The following TMEM248 variants were observed in gnomAD, a reference collection of about 807,000 sequenced individuals.
TMEM248 encodes the protein transmembrane protein 248, also known as UPF0458 protein C7orf42.
TMEM248 carries 9 observed loss-of-function variants against 30.3 expected under a neutral mutation model. The ratio of observed to expected loss-of-function variants is 0.30; its 90% CI spans 0.18 to 0.52. TMEM248 has a LOEUF of 0.52. TMEM248 is among the 20% of genes least tolerant of loss of function. The probability of loss-of-function intolerance (pLI) is 0.97; values close to 1 mark genes in which losing one functional copy is unlikely to be tolerated. For synonymous variants in TMEM248, 184 were observed against 154.4 expected (o/e 1.19, Z -1.42); for missense variants, 338 against 403.3 (o/e 0.84, Z 1.39).
At position 66,950,929 on chromosome 7, in the gene TMEM248, TTCC is replaced by T. The variant is rs755033216; in HGVS notation, c.597-14_597-12del. 132 of 1,532,924 alleles carry T rather than the reference TTCC, an allele frequency of 8.6e-5. No homozygotes were observed. The highest frequency in any genetic ancestry group is 1.8e-4 in the Middle Eastern group (1 of 5,416). The allele number at this position is 1,532,924 out of a possible 1,614,324, so 95.0% of individuals were successfully genotyped here. On this transcript the variant is annotated intron_variant, in intron 4 of 6. Coordinates refer to ENST00000341567, the MANE Select transcript of TMEM248 (RefSeq NM_017994.5). ...GACTCAGGCCACTGAGCACGTGTCT[TTCC>T]TCCTCCTCTTCTCCTGCAGACAGCC...
chr7:66,941,968 C>G lies in TMEM248; in HGVS notation c.103C>G (p.Leu35Val). 2.5e-6 allele frequency: 4 copies of G among 1,614,206 alleles called. No homozygotes were observed. The highest frequency in any genetic ancestry group is 3.4e-6 in the Non-Finnish European group (4 of 1,180,036). The change falls in exon 2 of 7, where the codon CTG becomes GTG. Residue 35 changes from leucine (L) to valine (V), a missense_variant. Leu to Val is a conservative substitution (Grantham distance 32, BLOSUM62 1). Transcript: ENST00000341567. ...ISVSAMAIAF[L>V]TLGYFFKIKE... is the part of the protein sequence containing the mutation. ...CGTAAGCGCCATGGCCATAGCTTTC[C>G]TGACCCTGGGCTACTTCTTCAAAAT...
intron 1 of TMEM248, among the ~76,000 whole-genome samples, chr7:66,939,389 C>T (rs1031049673): frequency 5.3e-5 from 8 of 152,144 alleles, no homozygotes; most frequent in African/African-American, 1.9e-4. Flanking sequence ...TGAAATTCAA[C>T]GAACTAGATC....
intron 1 of TMEM248, among the ~76,000 whole-genome samples, chr7:66,939,943 TA>T (rs1299876250): frequency 4.6e-5 from 7 of 152,290 alleles, no homozygotes; most frequent in Admixed American, 2.6e-4. Flanking sequence ...AGCTGGCTAT[TA>T]AACAGAGACT....
intron 1 of TMEM248, among the ~76,000 whole-genome samples, chr7:66,940,559 T>C (rs1473126340): frequency 6.6e-6 from 1 of 152,178 alleles, no homozygotes; most frequent in East Asian, 1.9e-4. Context: ...CCCAGCTGAT[T>C]TCCTTGCAGA....
intron 6 of TMEM248, among the ~76,000 whole-genome samples, chr7:66,954,089 A>G (rs1792342104): frequency 6.6e-6 from 1 of 151,446 alleles, no homozygotes; most frequent in Non-Finnish European, 1.5e-5. Context: ...GATTACAGGC[A>G]TGTGCCACCA....
chr7:66,940,123 T>G (rs1162044707), intron 1 of TMEM248, among the ~76,000 whole-genome samples: 4 of 152,162 alleles, frequency 2.6e-5, no homozygotes, highest in Non-Finnish European at 5.9e-5. Flanking sequence ...CTGGCTAATT[T>G]TTGTATTTGT....
chr7:66,942,594 C>T (rs548415879), intron 2 of TMEM248, among the ~76,000 whole-genome samples: 1 of 152,326 alleles, frequency 6.6e-6, no homozygotes, highest in African/African-American at 2.4e-5. Flanking sequence ...CTCCCGGGCT[C>T]AAGCGATTCT....
chr7:66,936,080 C>G (rs898690495), intron 1 of TMEM248, among the ~76,000 whole-genome samples: 1 of 152,158 alleles, frequency 6.6e-6, no homozygotes, highest in African/African-American at 2.4e-5. Flanking sequence ...GTATCTAGGA[C>G]TTCTAGTACT....
intron 4 of TMEM248, among the ~76,000 whole-genome samples, chr7:66,949,199 G>T (rs1172803647): frequency 1.3e-5 from 2 of 151,772 alleles, no homozygotes; most frequent in East Asian, 3.9e-4. Flanking sequence ...AAAGATAAAG[G>T]TTTTCAGCCA....
At position 66,942,036 on chromosome 7, in the gene TMEM248, T is replaced by G; in HGVS notation, c.159+12T>G. On this transcript the variant is annotated intron_variant, in intron 2 of 6. Coordinates refer to ENST00000341567, the MANE Select transcript of TMEM248 (RefSeq NM_017994.5). ...CAGAAATGGCAGAGGTATAGTATGCTCTGACTTCTCCCGGGCTGGCTGGTC... is the reference window on the plus strand; with the variant it reads ...CAGAAATGGCAGAGGTATAGTATGCGCTGACTTCTCCCGGGCTGGCTGGTC... 6.2e-7 allele frequency: 1 copy of G among 1,610,864 alleles called. No individual in the cohort carries two copies. Among genetic ancestry groups the G allele is most frequent in the Non-Finnish European group, 8.5e-7 (1 of 1,177,518 alleles).
At chr7:66,931,715 C>G (rs1025592036) in intron 1 of TMEM248, among the ~76,000 whole-genome samples, 3 of 150,292 alleles carry the variant, frequency 2.0e-5, no homozygotes, top group Non-Finnish European at 4.4e-5. Context: ...TGGCCTCAAG[C>G]AATCCTTCCA....
intron 5 of TMEM248, among the ~76,000 whole-genome samples, chr7:66,953,009 G>A (rs915192653): frequency 1.3e-5 from 2 of 152,188 alleles, no homozygotes; most frequent in East Asian, 1.9e-4. Flanking sequence ...GGAAGGCGTG[G>A]TGCTCTCCAA....
chr7:66,933,988 C>T (rs113444605), intron 1 of TMEM248, among the ~76,000 whole-genome samples: 1 of 151,166 alleles, frequency 6.6e-6, no homozygotes, highest in African/African-American at 2.4e-5. Context: ...CTAAACAGAA[C>T]TTAATTTATT....
At chr7:66,951,645 T>C (rs1408830388) in intron 5 of TMEM248, among the ~76,000 whole-genome samples, 1 of 151,170 alleles carries the variant, frequency 6.6e-6, no homozygotes, top group Non-Finnish European at 1.5e-5. Flanking sequence ...CTAGTAGCTG[T>C]GTGCTGCTAG....
chr7:66,949,357 C>T (rs1178608646), intron 4 of TMEM248, among the ~76,000 whole-genome samples: 1 of 152,046 alleles, frequency 6.6e-6, no homozygotes, highest in African/African-American at 2.4e-5. Context: ...CATGATGGCA[C>T]ATGTCTGTAA....
chr7:66,929,208 G>A (rs1034509860), intron 1 of TMEM248, among the ~76,000 whole-genome samples: 1 of 152,134 alleles, frequency 6.6e-6, no homozygotes, highest in Non-Finnish European at 1.5e-5. Context: ...GTGTGATCAT[G>A]GGCACATTAG....
chr7:66,932,834 C>A (rs1477823890), intron 1 of TMEM248, among the ~76,000 whole-genome samples: 1 of 149,200 alleles, frequency 6.7e-6, no homozygotes, highest in African/African-American at 2.5e-5. Flanking sequence ...TTTTTTATGG[C>A]AACTGTATGT....
chr7:66,948,302 G>A (rs1792169255), intron 3 of TMEM248, among the ~76,000 whole-genome samples: 2 of 152,192 alleles, frequency 1.3e-5, no homozygotes, highest in Admixed American at 1.3e-4. Flanking sequence ...CCCGAGGTCT[G>A]GTTTGGCATC....
rs905364835 is a variant in TMEM248, at chr7:66,957,337, T to C, written c.*1815T>C. On this transcript the variant is annotated 3_prime_UTR_variant, in exon 7 of 7. Coordinates refer to ENST00000341567, the MANE Select transcript of TMEM248 (RefSeq NM_017994.5). ...AACAGTTGCGTGCTTTTATTGAAGA[T>C]TGTTAAAATAATCACCATAGTAACT... 20 of 152,260 alleles carry C rather than the reference T, an allele frequency of 1.3e-4. No individual in the cohort carries two copies. The highest frequency in any genetic ancestry group is 1.2e-3 in the Admixed American group (19 of 15,282). 9.4% of individuals were successfully genotyped at this position (152,260 alleles called of 1,614,324 possible). A position where few individuals can be genotyped will look rare whatever the true frequency, so the allele number is the denominator to read the frequency against.
Sources: allele counts gnomAD v4.1 joint callset (sites outside exome capture counted in the v4.1 genomes callset), GRCh38; gene constraint gnomAD v4.1.1; transcripts MANE v1.5; gene names NCBI Gene and HGNC (gene_info 2026-07-23, HGNC 2026-07-21).